EPAS1: variants seen among roughly 807,000 people sequenced by gnomAD.
The protein encoded by EPAS1 is endothelial PAS domain protein 1.
EPAS1 carries 23 observed loss-of-function variants against 87.9 expected under a neutral mutation model. The observed-to-expected ratio is 0.26, with a 90% CI of 0.19 to 0.37. EPAS1 has a LOEUF of 0.37. Among genes scored for constraint, EPAS1 ranks in the 10% least tolerant of loss-of-function variants. The pLI is 1.00. For synonymous variants in EPAS1, 508 were observed against 444.3 expected (o/e 1.14, Z -1.80); for missense variants, 1,138 against 1,120.7 (o/e 1.02, Z -0.22).
intron 1 of EPAS1, among the ~76,000 whole-genome samples, chr2:46,341,666 A>G (rs960115191): frequency 1.3e-5 from 2 of 152,210 alleles, no homozygotes; most frequent in African/African-American, 4.8e-5. Flanking sequence ...GGTAGAGGGA[A>G]AGAGTGTGGT....
At chr2:46,332,126 T>TG (rs1451271547) in intron 1 of EPAS1, among the ~76,000 whole-genome samples, 2 of 152,170 alleles carry the variant, frequency 1.3e-5, no homozygotes, top group Non-Finnish European at 2.9e-5. Flanking sequence ...TTAGAGGCTC[T>TG]GGGGAAGAGG....
rs749763865 is a variant in EPAS1 at position 46,376,523 on chromosome 2, CT to C, written c.1035-13del. ...GAAAATGTGGAAAGTCTGAATGGCT[CT>C]TTCCCCCCCATTAGTGAGATTGAGA... On this transcript the variant is annotated splice_polypyrimidine_tract_variant and intron_variant, in intron 8 of 15. Transcript: ENST00000263734. 95 of 1,613,346 alleles carry C rather than the reference CT, an allele frequency of 5.9e-5. No individual in the cohort carries two copies. The highest frequency in any genetic ancestry group is 7.0e-5 in the Non-Finnish European group (83 of 1,179,340).
intron 1 of EPAS1, among the ~76,000 whole-genome samples, chr2:46,333,016 G>A (rs1683718948): frequency 6.6e-6 from 1 of 152,174 alleles, no homozygotes; most frequent in South Asian, 2.1e-4. Context: ...CCCATGATGT[G>A]GACAGCGGGC....
At chr2:46,326,447 G>T (rs183363022) in intron 1 of EPAS1, among the ~76,000 whole-genome samples, 1 of 152,154 alleles carries the variant, frequency 6.6e-6, no homozygotes, top group Non-Finnish European at 1.5e-5. Flanking sequence ...AGCCTCCCAC[G>T]TGACTGTAAG....
At position 46,384,751 on chromosome 2, in the gene EPAS1, G is replaced by A. The variant is rs1363199992; in HGVS notation, c.*91G>A. On this transcript the variant is annotated 3_prime_UTR_variant, in exon 16 of 16. Transcript: ENST00000263734. The stretch of plus-strand genomic sequence containing the variant: ...GTTTTTGCAACTAGGTATTTCTAAC[G>A]CCAGCACACTATTTACAAGATGGAC... 1.6e-5 allele frequency: 24 copies of A among 1,509,934 alleles called. No homozygotes were observed. The highest frequency in any genetic ancestry group is 1.8e-5 in the Non-Finnish European group (20 of 1,117,786). 93.5% of individuals were successfully genotyped at this position (1,509,934 alleles called of 1,614,324 possible).
At chr2:46,311,985 C>T (rs1246369132) in intron 1 of EPAS1, among the ~76,000 whole-genome samples, 3 of 152,192 alleles carry the variant, frequency 2.0e-5, no homozygotes, top group East Asian at 3.9e-4. Context: ...TTGGTGATTC[C>T]AGGCCACCTG....
intron 1 of EPAS1, among the ~76,000 whole-genome samples, chr2:46,314,263 G>A (rs1683271445): frequency 6.6e-6 from 1 of 152,212 alleles, no homozygotes; most frequent in African/African-American, 2.4e-5. Flanking sequence ...GAGAGTCCCA[G>A]GAGAATGCCA....
At chr2:46,368,099 A>G (rs1216139920) in intron 6 of EPAS1, among the ~76,000 whole-genome samples, 1 of 152,228 alleles carries the variant, frequency 6.6e-6, no homozygotes, top group African/African-American at 2.4e-5. Flanking sequence ...CCCGTTATAG[A>G]GGAAGCAAAA....
intron 1 of EPAS1, among the ~76,000 whole-genome samples, chr2:46,310,537 A>T (rs1275097516): frequency 1.3e-5 from 2 of 152,204 alleles, no homozygotes; most frequent in Admixed American, 6.5e-5. Flanking sequence ...CTAAAGCCCT[A>T]ACTCAAGTTC....
Position 46,297,818 on chromosome 2 carries a change from C to G in EPAS1, c.-94C>G, listed in dbSNP as rs977425212. 1.3e-6 allele frequency: 2 copies of G among 1,538,632 alleles called. No individual in the cohort carries two copies. The highest frequency in any genetic ancestry group is 3.9e-5 in the Admixed American group (2 of 51,468). ...CGCACCTCGGACCTTCACCACCCGC[C>G]CGGGCCGCGGGGAGCGGACGAGGGC... On this transcript the variant is annotated 5_prime_UTR_variant, in exon 1 of 16. Coordinates refer to ENST00000263734, the MANE Select transcript of EPAS1 (RefSeq NM_001430.5).
intron 1 of EPAS1, among the ~76,000 whole-genome samples, chr2:46,323,881 T>A (rs1166834691): frequency 6.6e-6 from 1 of 152,124 alleles, no homozygotes; most frequent in Non-Finnish European, 1.5e-5. Context: ...CTGTATTGGG[T>A]GTGATTCTCC....
rs1470231999 is a variant in EPAS1, at chr2:46,375,149, A to C, written c.887-541A>C. On this transcript the variant is annotated intron_variant, in intron 7 of 15. Coordinates refer to ENST00000263734, the MANE Select transcript of EPAS1 (RefSeq NM_001430.5). The surrounding 1 kb of genome is among the most constrained non-coding windows in gnomAD (Gnocchi z 4.1). ...ATCAATGTTTTAAATGCTTTTATTCATAAGCAGGGTATTGGTGGTGGGTCT... is the reference window on the plus strand; with the variant it reads ...ATCAATGTTTTAAATGCTTTTATTCCTAAGCAGGGTATTGGTGGTGGGTCT... Among the ~76,000 whole-genome samples the C allele has an allele frequency of 6.7e-6, 1 of 150,176 alleles. No individual in the cohort carries two copies. The highest frequency in any genetic ancestry group is 1.5e-5 in the Non-Finnish European group (1 of 67,406).
chr2:46,304,006 G>A (rs933238894), intron 1 of EPAS1, among the ~76,000 whole-genome samples: 2 of 152,224 alleles, frequency 1.3e-5, no homozygotes, highest in Non-Finnish European at 2.9e-5. Context: ...CAAGTGCCCT[G>A]CACAGGGTAA....
intron 1 of EPAS1, among the ~76,000 whole-genome samples, chr2:46,332,920 G>A (rs973926960): frequency 5.3e-5 from 8 of 152,180 alleles, no homozygotes; most frequent in Non-Finnish European, 4.4e-5. Flanking sequence ...AGGATGGGAC[G>A]GGTCAGGAGG....
intron 1 of EPAS1, among the ~76,000 whole-genome samples, chr2:46,317,870 A>G (rs1004146554): frequency 6.6e-6 from 1 of 152,200 alleles, no homozygotes; most frequent in Admixed American, 6.5e-5. Flanking sequence ...TTCTTTCCTT[A>G]AATGTGACGA....
chr2:46,345,344 A>G lies in EPAS1; in HGVS notation c.27-1529A>G, dbSNP rs529453894. On this transcript the variant is annotated intron_variant, in intron 1 of 15. Coordinates refer to ENST00000263734, the MANE Select transcript of EPAS1 (RefSeq NM_001430.5). ...TATAGGTTATTTATAGAAACACAAG[A>G]AAATACAGATAAGCATTACAAAGCA... Among the ~76,000 whole-genome samples the G allele has an allele frequency of 3.1e-4, 47 of 152,334 alleles. 1 individual carries two copies. In the South Asian group the frequency reaches 7.9e-3, roughly 25 times the overall value.
intron 13 of EPAS1, 63 bp downstream of exon 13, chr2:46,381,785 A>G: frequency 6.2e-7 from 1 of 1,607,400 alleles, no homozygotes; most frequent in Non-Finnish European, 8.5e-7. Context: ...AGGGCTGCTG[A>G]GAGGGGTGGG....
intron 6 of EPAS1, among the ~76,000 whole-genome samples, chr2:46,368,194 T>G (rs1039713032): frequency 6.6e-6 from 1 of 152,190 alleles, no homozygotes; most frequent in African/African-American, 2.4e-5. Context: ...TTGTGCATAC[T>G]CCTTAGGACT....
intron 1 of EPAS1, among the ~76,000 whole-genome samples, chr2:46,319,385 T>C (rs546968155): frequency 3.3e-4 from 51 of 152,356 alleles, no homozygotes; most frequent in African/African-American, 1.2e-3. Flanking sequence ...TAATTGGTTA[T>C]TGTCCTCCTG....
Sources: allele counts gnomAD v4.1 joint callset (sites outside exome capture counted in the v4.1 genomes callset), GRCh38; gene constraint gnomAD v4.1.1; non-coding constraint Gnocchi (gnomAD v3.1); transcripts MANE v1.5; gene names NCBI Gene and HGNC (gene_info 2026-07-23, HGNC 2026-07-21).